The following HAO1 variants were observed in gnomAD, a reference collection of about 807,000 sequenced individuals.
HAO1 encodes 2-Hydroxyacid oxidase 1.
A neutral mutation model predicts 39.7 loss-of-function variants in HAO1; 34 were observed. That is an observed-to-expected ratio of 0.86 (90% CI 0.65 to 1.14). The LOEUF is 1.14. Ranked by LOEUF, HAO1 falls within the 50% of genes most tolerant of loss-of-function variation. The probability of loss-of-function intolerance (pLI) is 0.00; values close to 1 mark genes in which losing one functional copy is unlikely to be tolerated. For synonymous variants in HAO1, 172 were observed against 173.2 expected (o/e 0.99, Z 0.05); for missense variants, 479 against 464.5 (o/e 1.03, Z -0.29).
chr20:7,919,392 G>A (rs902717177), intron 2 of HAO1, among the ~76,000 whole-genome samples: 13 of 151,812 alleles, frequency 8.6e-5, no homozygotes, highest in African/African-American at 3.1e-4. Context: ...ATTAAACAGT[G>A]ATACACTGTG....
intron 2 of HAO1, among the ~76,000 whole-genome samples, chr20:7,928,242 A>G (rs1171276338): frequency 6.6e-6 from 1 of 152,218 alleles, no homozygotes; most frequent in African/African-American, 2.4e-5. Flanking sequence ...TCCAAGGCTG[A>G]CATAGTGCAG....
At chr20:7,905,580 A>G (rs929680508) in intron 4 of HAO1, among the ~76,000 whole-genome samples, 7 of 152,184 alleles carry the variant, frequency 4.6e-5, no homozygotes, top group African/African-American at 1.7e-4. Flanking sequence ...TGGGATCTGA[A>G]TACATGGGGA....
chr20:7,887,638 G>T (rs2050156564), intron 5 of HAO1, among the ~76,000 whole-genome samples: 1 of 152,084 alleles, frequency 6.6e-6, no homozygotes, highest in African/African-American at 2.4e-5. Context: ...CATGATGCAA[G>T]CTATAATTAA....
At position 7,884,397 on chromosome 20, in the gene HAO1, A is replaced by G. The variant is rs537471083; in HGVS notation, c.1043-734T>C. Among the ~76,000 whole-genome samples the G allele has an allele frequency of 2.7e-4, 41 of 152,318 alleles. 2 individuals carry two copies. In the South Asian group the frequency reaches 6.8e-3, roughly 25 times the overall value. On this transcript the variant is annotated intron_variant, in intron 7 of 7. Coordinates refer to ENST00000378789, the MANE Select transcript of HAO1 (RefSeq NM_017545.3). ...CTATGATAGCTGATATATAGGAGAC[A>G]ATAGGTACTATGGAAAAAGGATGAA...
chr20:7,906,817 A>G (rs147716685), intron 3 of HAO1, among the ~76,000 whole-genome samples: 23 of 152,352 alleles, frequency 1.5e-4, no homozygotes, highest in Non-Finnish European at 2.5e-4. Context: ...CATAGAAAAT[A>G]AAAACAGAGG....
At chr20:7,922,841 T>A (rs914495711) in intron 2 of HAO1, among the ~76,000 whole-genome samples, 2 of 152,112 alleles carry the variant, frequency 1.3e-5, no homozygotes, top group Admixed American at 1.3e-4. Context: ...ACTATAAATA[T>A]AATGATATAA....
Position 7,940,333 on chromosome 20 carries a change from C to A in HAO1, c.90G>T (p.Gly30=), listed in dbSNP as rs1361201500. 3.7e-6 allele frequency: 6 copies of A among 1,610,910 alleles called. No homozygotes were observed. Among genetic ancestry groups the A allele is most frequent in the Non-Finnish European group, 5.1e-6 (6 of 1,178,550 alleles). ...PKSIYDYYRS[G]ANDEETLADN... ...CAGCCAAAGTTTCTTCATCATTTGCCCCAGACCTGTAATAGTCATATATAG... is the reference window on the plus strand; with the variant it reads ...CAGCCAAAGTTTCTTCATCATTTGCACCAGACCTGTAATAGTCATATATAG... The change falls in exon 1 of 8, where the codon GGG becomes GGT. Residue 30 remains glycine (G), a synonymous_variant. Coordinates refer to ENST00000378789, the MANE Select transcript of HAO1 (RefSeq NM_017545.3).
intron 5 of HAO1, among the ~76,000 whole-genome samples, chr20:7,887,282 A>C (rs2050155186): frequency 6.6e-6 from 1 of 152,188 alleles, no homozygotes; most frequent in Non-Finnish European, 1.5e-5. Flanking sequence ...TTCCTATTTA[A>C]AATGTATGCT....
At chr20:7,892,881 T>C (rs1404832293) in intron 5 of HAO1, among the ~76,000 whole-genome samples, 1 of 152,208 alleles carries the variant, frequency 6.6e-6, no homozygotes, top group African/African-American at 2.4e-5. Flanking sequence ...AATCACATTA[T>C]GAAATATTAC....
chr20:7,939,348 G>A (rs2050429694), intron 1 of HAO1, among the ~76,000 whole-genome samples: 1 of 152,150 alleles, frequency 6.6e-6, no homozygotes, highest in East Asian at 1.9e-4. Flanking sequence ...GACCACCTTG[G>A]CCAGGATAAT....
intron 3 of HAO1, among the ~76,000 whole-genome samples, chr20:7,907,158 C>G (rs927471414): frequency 2.0e-4 from 30 of 152,114 alleles, no homozygotes; most frequent in Admixed American, 2.6e-4. Flanking sequence ...TTTCCCTCCC[C>G]CTTTTAGTTG....
intron 1 of HAO1, among the ~76,000 whole-genome samples, chr20:7,937,104 G>GA (rs2050416412): frequency 6.6e-6 from 1 of 152,062 alleles, no homozygotes; most frequent in Non-Finnish European, 1.5e-5. Context: ...GGGTAACGGG[G>GA]AGAATCTGTT....
At chr20:7,903,697 G>A (rs1356909738) in intron 4 of HAO1, among the ~76,000 whole-genome samples, 2 of 151,130 alleles carry the variant, frequency 1.3e-5, no homozygotes, top group East Asian at 3.9e-4. Flanking sequence ...GGTAATGGTG[G>A]TGTTGATGGA....
chr20:7,894,379 T>C (rs1006627137), intron 5 of HAO1, among the ~76,000 whole-genome samples: 1 of 152,186 alleles, frequency 6.6e-6, no homozygotes, highest in African/African-American at 2.4e-5. Flanking sequence ...TTTTGGACTC[T>C]GATTTGCCTA....
intron 5 of HAO1, 55 bp from the exon 6 acceptor site, chr20:7,885,919 A>T: frequency 6.8e-7 from 1 of 1,472,820 alleles, no homozygotes; most frequent in Non-Finnish European, 9.5e-7. Context: ...TTGTTATTCA[A>T]CTCCACCTCC....
At chr20:7,924,986 G>C (rs1029329828) in intron 2 of HAO1, among the ~76,000 whole-genome samples, 1 of 152,140 alleles carries the variant, frequency 6.6e-6, no homozygotes, top group African/African-American at 2.4e-5. Context: ...GCCTGTCATA[G>C]TGAAGTGTTT....
At chr20:7,913,880 A>G (rs527993764) in intron 3 of HAO1, among the ~76,000 whole-genome samples, 3 of 152,322 alleles carry the variant, frequency 2.0e-5, no homozygotes, top group South Asian at 2.1e-4. Context: ...ATAATAATAA[A>G]CTGCTGCTTG....
At chr20:7,904,237 A>C (rs1600110438) in intron 4 of HAO1, among the ~76,000 whole-genome samples, 2 of 151,914 alleles carry the variant, frequency 1.3e-5, no homozygotes, top group African/African-American at 2.4e-5. Context: ...CCCTGCCATT[A>C]CTCTAGGTCA....
At chr20:7,906,116 C>G in intron 4 of HAO1, 38 bp downstream of exon 4, 1 of 1,416,920 alleles carries the variant, frequency 7.1e-7, no homozygotes, top group Non-Finnish European at 1.0e-6. Context: ...CAAAGGATCA[C>G]AAAGTCAGTA....
Sources: gnomAD v4.1 joint callset for allele counts (sites outside exome capture counted in the v4.1 genomes callset) on GRCh38, gnomAD v4.1.1 for gene constraint, MANE v1.5 for transcripts, NCBI Gene and HGNC (gene_info 2026-07-23, HGNC 2026-07-21) for gene names.